Variants in THADA observed in about 807,000 individuals in gnomAD.
The protein encoded by THADA is THADA armadillo repeat containing.
THADA carries 213 observed loss-of-function variants against 219.8 expected under a neutral mutation model. The ratio of observed to expected loss-of-function variants is 0.97; its 90% CI spans 0.87 to 1.09. The LOEUF (loss-of-function observed/expected upper bound fraction) is 1.09. Among genes scored for constraint, THADA ranks in the 50% least tolerant of loss-of-function variants. The pLI is 0.00. For missense variants in THADA, 2,956 were observed against 2,311.3 expected, an observed-to-expected ratio of 1.28 and a Z score of -5.72; for synonymous variants, 1,018 against 828.9, an observed-to-expected ratio of 1.23 and a Z score of -3.92.
At chr2:43,473,672 G>A (rs760303911) in intron 26 of THADA, among the ~76,000 whole-genome samples, 3 of 151,638 alleles carry the variant, frequency 2.0e-5, no homozygotes, top group African/African-American at 4.9e-5. Flanking sequence ...GCAGTGGCGC[G>A]ATCTTGGCTC....
intron 17 of THADA, chr2:43,556,067 C>A: frequency 1.5e-6 from 1 of 668,892 alleles, no homozygotes; most frequent in South Asian, 4.4e-5. Flanking sequence ...GGGAAAAAAG[C>A]ACACTTTTGG....
chr2:43,326,096 C>T (rs1468689759), intron 30 of THADA, among the ~76,000 whole-genome samples: 1 of 148,396 alleles, frequency 6.7e-6, no homozygotes, highest in East Asian at 2.0e-4. Context: ...TGTGTGTGTG[C>T]ACAGTATATA....
chr2:43,448,943 G>A (rs1030856232), intron 26 of THADA, among the ~76,000 whole-genome samples: 2 of 152,088 alleles, frequency 1.3e-5, no homozygotes, highest in Admixed American at 6.6e-5. Flanking sequence ...AAAGAAACAG[G>A]GAAAGATAGC....
intron 22 of THADA, among the ~76,000 whole-genome samples, chr2:43,522,677 G>A (rs914469807): frequency 2.0e-5 from 3 of 152,056 alleles, no homozygotes; most frequent in Non-Finnish European, 1.5e-5. Flanking sequence ...TTCAAATATC[G>A]AGGAAAAACA....
In THADA at chr2:43,322,239, C is replaced by A. The variant is rs544812058; in HGVS notation, c.4344-1699G>T. 5.9e-4 allele frequency among the ~76,000 whole-genome samples: 89 copies of A among 152,000 alleles called. 1 individual carries two copies. In the South Asian group the frequency reaches 0.013, roughly 23 times the overall value. ...TGCTGGTGGTCCAGGCATGGTGGCT[C>A]ACGTCTGTAATCCCAGCACTTTGGG... On this transcript the variant is annotated intron_variant, in intron 30 of 37. Coordinates refer to ENST00000405975, the MANE Select transcript of THADA (RefSeq NM_022065.5).
intron 31 of THADA, among the ~76,000 whole-genome samples, chr2:43,316,616 C>T (rs1014246890): frequency 5.3e-5 from 8 of 152,150 alleles, no homozygotes; most frequent in African/African-American, 1.9e-4. Flanking sequence ...GGATTAGATG[C>T]ATAGCTTCCA....
intron 17 of THADA, among the ~76,000 whole-genome samples, chr2:43,554,241 CT>C (rs1697088481): frequency 6.6e-6 from 1 of 152,100 alleles, no homozygotes; most frequent in African/African-American, 2.4e-5. Context: ...ATAGTTTTAG[CT>C]CTTATATTTA....
intron 26 of THADA, among the ~76,000 whole-genome samples, chr2:43,449,799 A>T (rs12104615): frequency 0.11 from 16,769 of 152,152 alleles, 1,045 homozygotes; most frequent in African/African-American, 0.16. Flanking sequence ...TTACATGCAA[A>T]CGGTCCTGAA....
chr2:43,405,566 T>A (rs1675437247), intron 28 of THADA, among the ~76,000 whole-genome samples: 1 of 152,186 alleles, frequency 6.6e-6, no homozygotes, highest in African/African-American at 2.4e-5. Context: ...TTTCCTGCAA[T>A]TCAAACCACT....
chr2:43,470,298 T>A (rs1294356148), intron 26 of THADA, among the ~76,000 whole-genome samples: 1 of 150,404 alleles, frequency 6.6e-6, no homozygotes, highest in African/African-American at 2.4e-5. Context: ...CTTTGACACA[T>A]AAATTACACC....
intron 26 of THADA, among the ~76,000 whole-genome samples, chr2:43,478,971 A>G (rs1685860274): frequency 1.3e-5 from 2 of 152,158 alleles, no homozygotes; most frequent in African/African-American, 4.8e-5. Flanking sequence ...CTTGTACTTT[A>G]CCTCTCAGTC....
intron 23 of THADA, among the ~76,000 whole-genome samples, chr2:43,507,773 T>C (rs1394029150): frequency 6.6e-6 from 1 of 152,212 alleles, no homozygotes; most frequent in Non-Finnish European, 1.5e-5. Context: ...TCTTTCAGGA[T>C]GGGGTCTGAT....
chr2:43,292,292 G>C lies in THADA; in HGVS notation c.4819-70C>G, dbSNP rs1368550687. On this transcript the variant is annotated intron_variant, in intron 32 of 37. Transcript: ENST00000405975. ...AGGGAGATGTCTCTAGATGTTACAT[G>C]ATAATCAATTGTATCAACAAGAGGT... The C allele has an allele frequency of 5.0e-6, 5 of 991,856 alleles. No individual in the cohort carries two copies. In the Admixed American group the frequency reaches 1.5e-4, roughly 29 times the overall value. The allele number at this position is 991,856 out of a possible 1,614,324, so 61.4% of individuals were successfully genotyped here.
In THADA at chr2:43,281,894, T is replaced by A. The variant is rs567362267; in HGVS notation, c.5165-1998A>T. ...AAGGAATTCTCCTGCCTTAGCCTCCTGAGTAGCTGGAACTACAGGTGTACA... is the reference window on the plus strand; with the variant it reads ...AAGGAATTCTCCTGCCTTAGCCTCCAGAGTAGCTGGAACTACAGGTGTACA... On this transcript the variant is annotated intron_variant, in intron 35 of 37. Coordinates refer to ENST00000405975, the MANE Select transcript of THADA (RefSeq NM_022065.5). 8.5e-5 allele frequency among the ~76,000 whole-genome samples: 13 copies of A among 152,300 alleles called. No individual in the cohort carries two copies. In the South Asian group the frequency reaches 2.3e-3, roughly 27 times the overall value.
At chr2:43,468,664 A>C (rs377440461) in intron 26 of THADA, among the ~76,000 whole-genome samples, 8 of 152,216 alleles carry the variant, frequency 5.3e-5, no homozygotes, top group Non-Finnish European at 7.3e-5. Flanking sequence ...AATTTAAAAT[A>C]CAATCCCCCA....
intron 22 of THADA, among the ~76,000 whole-genome samples, chr2:43,521,115 G>A (rs983152994): frequency 7.2e-5 from 9 of 125,108 alleles, no homozygotes; most frequent in African/African-American, 1.6e-4. Flanking sequence ...GGAAGGGAGG[G>A]AAGGTAGGGA....
intron 22 of THADA, among the ~76,000 whole-genome samples, chr2:43,511,160 G>A (rs1690388796): frequency 6.6e-6 from 1 of 152,136 alleles, no homozygotes; most frequent in Non-Finnish European, 1.5e-5. Context: ...CCAGCTTATA[G>A]ATAATGCTAC....
At chr2:43,235,438 C>T (rs1217525995) in intron 36 of THADA, among the ~76,000 whole-genome samples, 1 of 152,100 alleles carries the variant, frequency 6.6e-6, no homozygotes, top group African/African-American at 2.4e-5. Context: ...GGATTACAGG[C>T]ATGCGCCACC....
At chr2:43,291,482 A>AAAAAAAAAAAAAAAT (rs1674711254) in intron 34 of THADA, among the ~76,000 whole-genome samples, 1 of 142,204 alleles carries the variant, frequency 7.0e-6, no homozygotes. Context: ...AAAAAAAAAA[A>AAAAAAAAAAAAAAAT]TCCTAAAACA....
Sources: gnomAD v4.1 joint callset for allele counts (sites outside exome capture counted in the v4.1 genomes callset) on GRCh38, gnomAD v4.1.1 for gene constraint, MANE v1.5 for transcripts, NCBI Gene and HGNC (gene_info 2026-07-23, HGNC 2026-07-21) for gene names.